FAM120A: variants seen among roughly 807,000 people sequenced by gnomAD.
The protein encoded by FAM120A is constitutive coactivator of PPAR-gamma-like protein 1.
In FAM120A, 15 loss-of-function variants were observed where a neutral mutation model predicts 109.7. That is an observed-to-expected ratio of 0.14 (90% CI 0.09 to 0.21). The LOEUF (loss-of-function observed/expected upper bound fraction) is 0.21. Among genes scored for constraint, FAM120A ranks in the 10% least tolerant of loss-of-function variants. The pLI is 1.00. For missense variants in FAM120A, 899 were observed against 1,439.3 expected (o/e 0.62, Z 6.07); for synonymous variants, 493 against 572.8 (o/e 0.86, Z 1.99).
chr9:93,529,538 G>A lies in FAM120A; in HGVS notation c.1692G>A (p.Lys564=). The A allele has an allele frequency of 6.2e-7, 1 of 1,614,250 alleles. No homozygotes were observed. Among genetic ancestry groups the A allele is most frequent in the Non-Finnish European group, 8.5e-7 (1 of 1,180,036 alleles). ...TGAGAGTGGCCGAGCACAGGCACAA[G>A]AAGGGGCTGATGTACCCCTACATCT... ...EVLRVAEHRH[K]KGLMYPYIFH... is the part of the protein sequence containing the mutation. Residue 564 remains lysine (K), a synonymous_variant, in exon 9 of 18, where the codon AAG becomes AAA. Coordinates refer to ENST00000277165, the MANE Select transcript of FAM120A (RefSeq NM_014612.5).
chr9:93,492,277 C>T (rs767660813), intron 3 of FAM120A, among the ~76,000 whole-genome samples: 2 of 152,058 alleles, frequency 1.3e-5, no homozygotes, highest in Non-Finnish European at 2.9e-5. Flanking sequence ...AAACACTTAA[C>T]AAGTTTCTAA....
At chr9:93,542,749 A>G (rs1861750326) in intron 10 of FAM120A, among the ~76,000 whole-genome samples, 1 of 152,226 alleles carries the variant, frequency 6.6e-6, no homozygotes, top group South Asian at 2.1e-4. Context: ...TAAAGTGGCT[A>G]CTGCATGCAA....
At chr9:93,553,870 A>G (rs1862190810) in intron 12 of FAM120A, among the ~76,000 whole-genome samples, 1 of 152,280 alleles carries the variant, frequency 6.6e-6, no homozygotes, top group Non-Finnish European at 1.5e-5. Flanking sequence ...CCCCATAAAT[A>G]TTAAATGTTA....
chr9:93,452,488 G>A lies in FAM120A; in HGVS notation c.474+99G>A, dbSNP rs777708984. 2.3e-5 allele frequency: 36 copies of A among 1,544,096 alleles called. No homozygotes were observed. The highest frequency in any genetic ancestry group is 3.0e-5 in the Non-Finnish European group (34 of 1,149,542). On this transcript the variant is annotated intron_variant, in intron 1 of 17. Coordinates refer to ENST00000277165, the MANE Select transcript of FAM120A (RefSeq NM_014612.5). This position sits in a 1 kb window ranked among gnomAD's most constrained non-coding sequence, Gnocchi z 7.0. ...ATGTCGCCCGGCCGTGGCGGCGCTGGGGGCAGCGAGTTCCCCCAGCCCTTG... is the reference window on the plus strand; with the variant it reads ...ATGTCGCCCGGCCGTGGCGGCGCTGAGGGCAGCGAGTTCCCCCAGCCCTTG...
chr9:93,555,794 C>A (rs1440996651), intron 12 of FAM120A, among the ~76,000 whole-genome samples: 1 of 152,174 alleles, frequency 6.6e-6, no homozygotes. Context: ...TATAAGCTAT[C>A]CATTTCTCCA....
Position 93,556,455 on chromosome 9 carries a change from CA to C in FAM120A, c.2351del (p.Asn784MetfsTer52). ...AGTGGAGTAGACATGGCCTTGTTTG[CA>C]AATGATGCATGCGGACAGCCAATCC... ...FMSGVDMALF[A>X]NDACGQPIPW... is the part of the protein sequence containing the mutation. On this transcript the variant is annotated frameshift_variant, in exon 13 of 18. Transcript: ENST00000277165. LOFTEE classifies it high-confidence loss of function. The C allele has an allele frequency of 6.2e-7, 1 of 1,614,204 alleles. No individual in the cohort carries two copies.
intron 2 of FAM120A, among the ~76,000 whole-genome samples, chr9:93,475,881 C>G (rs1329574984): frequency 6.6e-6 from 1 of 152,174 alleles, no homozygotes; most frequent in African/African-American, 2.4e-5. Context: ...ATTTCATGAA[C>G]AGATGAAAGC....
At position 93,532,215 on chromosome 9, in the gene FAM120A, G is replaced by A. The variant is rs746373611; in HGVS notation, c.1795G>A (p.Ala599Thr). The A allele has an allele frequency of 9.9e-6, 16 of 1,614,082 alleles. No individual in the cohort carries two copies. In the East Asian group the frequency reaches 1.6e-4, roughly 16 times the overall value. ...DEANKDLPPA[A>T]LLYRPVRQYV... ...AGCCAACAAGGACCTGCCTCCGGCC[G>A]CTCTGCTCTATAGGCCAGTTCGTCA... The change falls in exon 10 of 18, where the codon GCT becomes ACT. Residue 599 changes from alanine (A) to threonine (T), a missense_variant. Ala to Thr is a moderately conservative substitution (Grantham distance 58, BLOSUM62 0). Coordinates refer to ENST00000277165, the MANE Select transcript of FAM120A (RefSeq NM_014612.5). This position sits in a 1 kb window ranked among gnomAD's most constrained non-coding sequence, Gnocchi z 4.3.
chr9:93,523,406 T>A, intron 7 of FAM120A: 1 of 971,140 alleles, frequency 1.0e-6, no homozygotes, highest in Non-Finnish European at 1.4e-6. Context: ...AGTGTAACTG[T>A]AGGTTTTTCT....
intron 12 of FAM120A, among the ~76,000 whole-genome samples, chr9:93,552,876 C>G (rs1270286061): frequency 1.3e-5 from 2 of 152,160 alleles, no homozygotes; most frequent in African/African-American, 4.8e-5. Context: ...GACCCTGTTT[C>G]TCTTCTCCCA....
At chr9:93,494,692 G>A (rs1475411759) in intron 3 of FAM120A, among the ~76,000 whole-genome samples, 2 of 152,122 alleles carry the variant, frequency 1.3e-5, no homozygotes, top group Non-Finnish European at 2.9e-5. Context: ...AAGCATGTGG[G>A]ACCTGCTTTG....
chr9:93,517,583 A>G (rs931598195), intron 7 of FAM120A, among the ~76,000 whole-genome samples: 2 of 152,252 alleles, frequency 1.3e-5, no homozygotes, highest in Admixed American at 6.5e-5. Context: ...TGTCTGTACA[A>G]TACAGTTTTT....
intron 1 of FAM120A, among the ~76,000 whole-genome samples, chr9:93,460,966 G>C (rs1857769540): frequency 6.6e-6 from 1 of 152,150 alleles, no homozygotes; most frequent in Non-Finnish European, 1.5e-5. Context: ...CAGGAAATGG[G>C]CTGCATTTAG....
At position 93,489,996 on chromosome 9, in the gene FAM120A, G is replaced by T. The variant is rs149933942; in HGVS notation, c.805-7475G>T. Among the ~76,000 whole-genome samples, 118 of 152,310 alleles carry T rather than the reference G, an allele frequency of 7.7e-4. 3 individuals are homozygous for T. Among genetic ancestry groups the T allele is most frequent in the Admixed American group, 1.2e-3 (19 of 15,298 alleles). On this transcript the variant is annotated intron_variant, in intron 3 of 17. Transcript: ENST00000277165. ...CTCCCTCCTCAGCCCCCAGACCTGT[G>T]CTCCACTGTGTCCTAGACTGGGGCA...
At position 93,564,740 on chromosome 9, in the gene FAM120A, C is replaced by T; in HGVS notation, c.*200C>T. The T allele has an allele frequency of 2.1e-6, 1 of 465,754 alleles. No homozygotes were observed. Among genetic ancestry groups the T allele is most frequent in the Non-Finnish European group, 3.7e-6 (1 of 267,052 alleles). The allele number at this position is 465,754 out of a possible 1,614,324, so 28.9% of individuals were successfully genotyped here. A position where few individuals can be genotyped will look rare whatever the true frequency, so the allele number is the denominator to read the frequency against. ...TTAACCAGTTGTAGTCAAAATGCTA[C>T]AATAAAACAAAAAAGAGAAAGAAAA... is the stretch of plus-strand genomic sequence containing the variant. On this transcript the variant is annotated 3_prime_UTR_variant, in exon 18 of 18. Transcript: ENST00000277165.
chr9:93,517,184 T>C (rs1460195390), intron 7 of FAM120A, among the ~76,000 whole-genome samples: 1 of 152,254 alleles, frequency 6.6e-6, no homozygotes. Context: ...TGAAGGACTC[T>C]CTGCCATCCA....
chr9:93,507,204 C>T (rs1023132404), intron 5 of FAM120A, among the ~76,000 whole-genome samples: 1 of 151,998 alleles, frequency 6.6e-6, no homozygotes, highest in South Asian at 2.1e-4. Flanking sequence ...GGGGCAAGTT[C>T]TCCTCTGTGG....
chr9:93,468,708 CTG>C (rs1858169422), intron 1 of FAM120A, among the ~76,000 whole-genome samples: 1 of 152,158 alleles, frequency 6.6e-6, no homozygotes, highest in South Asian at 2.1e-4. Context: ...AGCGTAGTGG[CTG>C]TGTCTATCTC....
At chr9:93,457,606 C>G (rs1362004912) in intron 1 of FAM120A, among the ~76,000 whole-genome samples, 1 of 152,044 alleles carries the variant, frequency 6.6e-6, no homozygotes, top group Non-Finnish European at 1.5e-5. Context: ...CCACGTAGGA[C>G]CATAGAGTCA....
Sources: gnomAD v4.1 joint callset for allele counts (sites outside exome capture counted in the v4.1 genomes callset) on GRCh38, gnomAD v4.1.1 for gene constraint, Gnocchi (gnomAD v3.1) non-coding constraint, MANE v1.5 for transcripts, NCBI Gene and HGNC (gene_info 2026-07-23, HGNC 2026-07-21) for gene names.